Variants in RNF150 observed in about 807,000 individuals in gnomAD.
The protein encoded by RNF150 is ring finger protein 150.
In RNF150, 24 loss-of-function variants were observed where a neutral mutation model predicts 39.3. The ratio of observed to expected loss-of-function variants is 0.61; its 90% confidence interval spans 0.44 to 0.86. The LOEUF is 0.86. Among genes scored for constraint, RNF150 ranks in the 40% least tolerant of loss-of-function variants. The pLI is 0.00. For synonymous variants in RNF150, 255 were observed against 227.3 expected (o/e 1.12, Z -1.10); for missense variants, 502 against 587.8 (o/e 0.85, Z 1.51).
chr4:141,061,773 G>A (rs1433244256), intron 1 of RNF150, among the ~76,000 whole-genome samples: 1 of 151,984 alleles, frequency 6.6e-6, no homozygotes, highest in African/African-American at 2.4e-5. Context: ...AAAAATATAA[G>A]ACTTAAAATA....
chr4:140,879,210 T>A (rs1039308941), intron 6 of RNF150, among the ~76,000 whole-genome samples: 1 of 152,234 alleles, frequency 6.6e-6, no homozygotes, highest in Non-Finnish European at 1.5e-5. Flanking sequence ...CTCATGATTG[T>A]TTTGGCTATT....
At chr4:141,163,958 C>T (rs373786150) in intron 1 of RNF150, among the ~76,000 whole-genome samples, 11 of 152,042 alleles carry the variant, frequency 7.2e-5, no homozygotes, top group East Asian at 5.8e-4. Flanking sequence ...ATGAGTTTGA[C>T]GAATTGACAG....
chr4:140,979,919 A>T (rs1048656971), intron 1 of RNF150, among the ~76,000 whole-genome samples: 3 of 152,220 alleles, frequency 2.0e-5, no homozygotes, highest in African/African-American at 7.2e-5. Context: ...CTCTTAAGGT[A>T]GTGAAAAATA....
At chr4:141,184,171 T>G (rs980648625) in intron 1 of RNF150, among the ~76,000 whole-genome samples, 1 of 152,174 alleles carries the variant, frequency 6.6e-6, no homozygotes, top group Non-Finnish European at 1.5e-5. Flanking sequence ...CAACATATGT[T>G]GTTTCCTGAA....
At chr4:141,157,090 T>C (rs1487865075) in intron 1 of RNF150, among the ~76,000 whole-genome samples, 4 of 152,170 alleles carry the variant, frequency 2.6e-5, no homozygotes, top group Non-Finnish European at 4.4e-5. Flanking sequence ...GAGTCCATAG[T>C]GTAACACTGT....
intron 2 of RNF150, among the ~76,000 whole-genome samples, chr4:140,960,302 G>A (rs1732968497): frequency 6.6e-6 from 1 of 152,118 alleles, no homozygotes; most frequent in South Asian, 2.1e-4. Context: ...GTGTGATACT[G>A]TGATATATAA....
rs1728608320 is a variant in RNF150 at position 140,864,142 on chromosome 4, C to A, written c.*4119G>T. On this transcript the variant is annotated 3_prime_UTR_variant, in exon 7 of 7. Coordinates refer to ENST00000515673, the MANE Select transcript of RNF150 (RefSeq NM_020724.2). Reference sequence around the variant, plus strand: ...ACAAAACAAAACAAAACAAAATGAACATTTTTGGACAGAGCTTTGCCTCCA... The same window carrying A: ...ACAAAACAAAACAAAACAAAATGAAAATTTTTGGACAGAGCTTTGCCTCCA... 6.6e-6 allele frequency: 1 copy of A among 152,130 alleles called. No individual in the cohort carries two copies. Among genetic ancestry groups the A allele is most frequent in the East Asian group, 1.9e-4 (1 of 5,194 alleles). 9.4% of individuals were successfully genotyped at this position (152,130 alleles called of 1,614,324 possible).
intron 1 of RNF150, among the ~76,000 whole-genome samples, chr4:141,095,055 G>C (rs1358906373): frequency 1.3e-5 from 2 of 152,160 alleles, no homozygotes; most frequent in Non-Finnish European, 2.9e-5. Context: ...TGAGGACATA[G>C]AGCAAATAAA....
intron 1 of RNF150, among the ~76,000 whole-genome samples, chr4:140,997,251 C>T (rs897953791): frequency 2.0e-5 from 3 of 152,034 alleles, no homozygotes; most frequent in African/African-American, 7.3e-5. Flanking sequence ...ATCTAAGATG[C>T]CATCAGTAGG....
At chr4:141,183,271 T>C (rs1727942380) in intron 1 of RNF150, among the ~76,000 whole-genome samples, 1 of 152,132 alleles carries the variant, frequency 6.6e-6, no homozygotes, top group African/African-American at 2.4e-5. Flanking sequence ...ATGGTAGACC[T>C]GTTATTGTTG....
At chr4:140,888,125 A>G (rs1372891347) in intron 6 of RNF150, among the ~76,000 whole-genome samples, 1 of 152,254 alleles carries the variant, frequency 6.6e-6, no homozygotes, top group East Asian at 1.9e-4. Context: ...CTGGTTGCTC[A>G]TCTTCCAATA....
intron 4 of RNF150, among the ~76,000 whole-genome samples, chr4:140,932,774 A>C (rs756076774): frequency 6.6e-6 from 1 of 152,226 alleles, no homozygotes; most frequent in Admixed American, 6.5e-5. Flanking sequence ...GGCTATGGCC[A>C]TGTGACTAAT....
intron 1 of RNF150, among the ~76,000 whole-genome samples, chr4:141,170,578 C>T (rs939235751): frequency 1.3e-5 from 2 of 152,144 alleles, no homozygotes; most frequent in Non-Finnish European, 2.9e-5. Flanking sequence ...GAGAGTCTAT[C>T]ATTAAAGCAG....
intron 6 of RNF150, among the ~76,000 whole-genome samples, chr4:140,878,799 G>A (rs191674925): frequency 1.1e-4 from 16 of 152,186 alleles, no homozygotes; most frequent in Non-Finnish European, 2.1e-4. Context: ...CTGTGCATTT[G>A]GTGTCATTTC....
intron 1 of RNF150, among the ~76,000 whole-genome samples, chr4:141,090,740 T>TAGACGGAGC (rs1290818511): frequency 6.6e-6 from 1 of 152,168 alleles, no homozygotes; most frequent in African/African-American, 2.4e-5. Flanking sequence ...GCCCTATCTT[T>TAGACGGAGC]AGACGGAGCA....
At chr4:141,153,054 T>G (rs1366224382) in intron 1 of RNF150, among the ~76,000 whole-genome samples, 2 of 152,190 alleles carry the variant, frequency 1.3e-5, no homozygotes, top group East Asian at 3.9e-4. Context: ...ATTATGCACT[T>G]TGCTTGCAAT....
intron 2 of RNF150, 83 bp downstream of exon 2, chr4:140,967,540 T>C: frequency 7.5e-7 from 1 of 1,333,146 alleles, no homozygotes; most frequent in South Asian, 1.5e-5. Context: ...TGGTTTTGGC[T>C]TGGTATTTTC....
intron 1 of RNF150, among the ~76,000 whole-genome samples, chr4:141,196,965 C>CCAAGG (rs1728211392): frequency 2.0e-5 from 3 of 152,230 alleles, no homozygotes; most frequent in Admixed American, 2.0e-4. Context: ...TGAAGTTTTG[C>CCAAGG]TCATATCCAG....
chr4:141,192,141 C>G (rs560714990), intron 1 of RNF150, among the ~76,000 whole-genome samples: 3 of 152,314 alleles, frequency 2.0e-5, no homozygotes, highest in East Asian at 3.9e-4. Context: ...TTAGAACATA[C>G]TAACTTCCTT....
Sources: gnomAD v4.1 joint callset for allele counts (sites outside exome capture counted in the v4.1 genomes callset) on GRCh38, gnomAD v4.1.1 for gene constraint, MANE v1.5 for transcripts, NCBI Gene and HGNC (gene_info 2026-07-23, HGNC 2026-07-21) for gene names.